PBX1: variants seen among roughly 807,000 people sequenced by gnomAD.
PBX1 encodes pre-B-cell leukemia transcription factor 1.
In PBX1, 6 loss-of-function variants were observed where a neutral mutation model predicts 53.4. The ratio of observed to expected loss-of-function variants is 0.11; its 90% CI spans 0.06 to 0.22. The LOEUF (loss-of-function observed/expected upper bound fraction) is 0.22, where lower values mean the gene tolerates loss of function less well. Among genes scored for constraint, PBX1 ranks in the 10% least tolerant of loss-of-function variants. PBX1 has a pLI of 1.00. For synonymous variants in PBX1, 204 were observed against 212.3 expected, an observed-to-expected ratio of 0.96 and a Z score of 0.34; for missense variants, 251 against 551.4, an observed-to-expected ratio of 0.46 and a Z score of 5.46.
At chr1:164,837,297 A>G (rs1671088727) in intron 8 of PBX1, among the ~76,000 whole-genome samples, 1 of 152,200 alleles carries the variant, frequency 6.6e-6, no homozygotes, top group Non-Finnish European at 1.5e-5. Context: ...TCAGGGCTGT[A>G]TAGGTTCAGC....
chr1:164,766,284 TGATTGTAGAAAC>T (rs1299520084), intron 2 of PBX1, among the ~76,000 whole-genome samples: 1 of 152,150 alleles, frequency 6.6e-6, no homozygotes, highest in Non-Finnish European at 1.5e-5. Flanking sequence ...GACTGAGCAG[TGATTGTAGAAAC>T]ATAAAGTGTC....
At chr1:164,573,858 T>C (rs1267276354) in intron 2 of PBX1, among the ~76,000 whole-genome samples, 1 of 152,216 alleles carries the variant, frequency 6.6e-6, no homozygotes, top group African/African-American at 2.4e-5. Context: ...GTATCTACCA[T>C]ATGGGACAGC....
chr1:164,727,870 T>C (rs901948013), intron 2 of PBX1, among the ~76,000 whole-genome samples: 2 of 152,242 alleles, frequency 1.3e-5, no homozygotes, highest in African/African-American at 4.8e-5. Flanking sequence ...ATCCCTGGTC[T>C]GAGTGGGAGG....
chr1:164,666,099 C>A (rs80199899), intron 2 of PBX1, among the ~76,000 whole-genome samples: 64 of 152,176 alleles, frequency 4.2e-4, no homozygotes, highest in Non-Finnish European at 5.7e-4. Context: ...TGAAGAGATA[C>A]GGGATGTGAC....
At chr1:164,573,911 C>T (rs1654045226) in intron 2 of PBX1, among the ~76,000 whole-genome samples, 1 of 152,158 alleles carries the variant, frequency 6.6e-6, no homozygotes, top group Non-Finnish European at 1.5e-5. Flanking sequence ...CGTTTTGTTC[C>T]TTTTTTGGCA....
At chr1:164,733,871 T>G (rs1665131365) in intron 2 of PBX1, among the ~76,000 whole-genome samples, 2 of 152,240 alleles carry the variant, frequency 1.3e-5, no homozygotes, top group African/African-American at 2.4e-5. Flanking sequence ...AAAACAACTT[T>G]TATGCAATTA....
At chr1:164,607,237 G>C (rs1467102879) in intron 2 of PBX1, among the ~76,000 whole-genome samples, 1 of 152,162 alleles carries the variant, frequency 6.6e-6, no homozygotes, top group Non-Finnish European at 1.5e-5. Context: ...TAATTTTGGT[G>C]TCTCTGTGGA....
At chr1:164,568,846 G>A (rs962505524) in intron 2 of PBX1, among the ~76,000 whole-genome samples, 5 of 152,188 alleles carry the variant, frequency 3.3e-5, no homozygotes, top group Admixed American at 6.5e-5. Context: ...GGGGAAAAAA[G>A]GTGCAGGAAT....
intron 2 of PBX1, among the ~76,000 whole-genome samples, chr1:164,651,607 G>C (rs1162846032): frequency 6.6e-6 from 1 of 152,170 alleles, no homozygotes. Flanking sequence ...AGAGGGAGGT[G>C]CAGAGAACAC....
chr1:164,697,845 CT>C (rs1461951485), intron 2 of PBX1, among the ~76,000 whole-genome samples: 1 of 152,176 alleles, frequency 6.6e-6, no homozygotes, highest in East Asian at 1.9e-4. Flanking sequence ...CAGAAGTGTT[CT>C]TTGCCTCAGT....
intron 1 of PBX1, among the ~76,000 whole-genome samples, chr1:164,562,627 C>CA (rs1460038696): frequency 6.6e-6 from 1 of 152,202 alleles, no homozygotes; most frequent in Admixed American, 6.5e-5. Context: ...AATGTGAACA[C>CA]AGAGAAATGA....
intron 2 of PBX1, among the ~76,000 whole-genome samples, chr1:164,653,348 G>GT (rs112169043): frequency 0.086 from 12,429 of 143,888 alleles, 675 homozygotes; most frequent in African/African-American, 0.16. Context: ...AGTCTCACTT[G>GT]TTTTTTTTTT....
chr1:164,828,375 C>T (rs1359057081), intron 8 of PBX1: 2 of 152,152 alleles, frequency 1.3e-5, no homozygotes, highest in African/African-American at 2.4e-5. Context: ...CCAAAGAGGA[C>T]AGTTGAGCTG....
chr1:164,603,877 G>C (rs1770556), intron 2 of PBX1, among the ~76,000 whole-genome samples: 145,869 of 150,252 alleles, frequency 0.97, 70,947 homozygotes, highest in Middle Eastern at 1. Flanking sequence ...ATTTTAAGCA[G>C]ATACTGTTTG....
intron 2 of PBX1, among the ~76,000 whole-genome samples, chr1:164,789,907 A>G (rs1668406908): frequency 6.6e-6 from 1 of 152,188 alleles, no homozygotes; most frequent in East Asian, 1.9e-4. Context: ...CCCCAGCACA[A>G]TGTTTTGAAT....
At chr1:164,671,128 A>G (rs1661089131) in intron 2 of PBX1, among the ~76,000 whole-genome samples, 2 of 151,970 alleles carry the variant, frequency 1.3e-5, no homozygotes, top group Admixed American at 1.3e-4. Flanking sequence ...GTTATTCTGC[A>G]CCGACAGAAA....
At chr1:164,700,975 C>T (rs182181362) in intron 2 of PBX1, among the ~76,000 whole-genome samples, 1 of 152,180 alleles carries the variant, frequency 6.6e-6, no homozygotes, top group Non-Finnish European at 1.5e-5. Flanking sequence ...ATTAGCAAGA[C>T]TAAACATAAT....
At chr1:164,862,861 G>C (rs1672131718) in intron 2 of PBX1, among the ~76,000 whole-genome samples, 1 of 152,204 alleles carries the variant, frequency 6.6e-6, no homozygotes, top group Non-Finnish European at 1.5e-5. Flanking sequence ...GATGATTAAA[G>C]GTAGTTGTGG....
chr1:164,673,405 G>A (rs907397667), intron 2 of PBX1, among the ~76,000 whole-genome samples: 1 of 150,738 alleles, frequency 6.6e-6, no homozygotes, highest in East Asian at 1.9e-4. Flanking sequence ...GGGCCACCAC[G>A]TCTCTCCGCT....
Sources: gnomAD v4.1 joint callset for allele counts (sites outside exome capture counted in the v4.1 genomes callset) on GRCh38, gnomAD v4.1.1 for gene constraint, MANE v1.5 for transcripts, NCBI Gene and HGNC (gene_info 2026-07-23, HGNC 2026-07-21) for gene names.